Variants in FBN3 observed in about 807,000 individuals in gnomAD.
FBN3 encodes fibrillin-3.
In FBN3, 234 loss-of-function variants were observed where a neutral mutation model predicts 330.1. The observed-to-expected ratio is 0.71, with a 90% confidence interval of 0.64 to 0.79. FBN3 has a LOEUF of 0.79. Among genes scored for constraint, FBN3 ranks in the 30% least tolerant of loss-of-function variants. The probability of loss-of-function intolerance (pLI) is 0.00; values close to 1 mark genes in which losing one functional copy is unlikely to be tolerated. For missense variants in FBN3, 3,606 were observed against 3,886.9 expected (o/e 0.93, Z 1.92); for synonymous variants, 1,458 against 1,517.3 (o/e 0.96, Z 0.91).
At chr19:8,137,303 A>G (rs1437331772) in intron 10 of FBN3, among the ~76,000 whole-genome samples, 1 of 142,632 alleles carries the variant, frequency 7.0e-6, no homozygotes, top group Non-Finnish European at 1.5e-5. Context: ...CCTGGGCCCT[A>G]GATCCCTCCA....
intron 11 of FBN3, 31 bp downstream of exon 11, chr19:8,136,357 C>A: frequency 1.2e-6 from 2 of 1,605,526 alleles, no homozygotes; most frequent in Non-Finnish European, 8.5e-7. Context: ...GCAGTGAGAA[C>A]CGCCCCCCCT....
chr19:8,120,359 G>A (rs1374958010), intron 25 of FBN3, among the ~76,000 whole-genome samples: 3 of 151,214 alleles, frequency 2.0e-5, no homozygotes, highest in Non-Finnish European at 2.9e-5. Context: ...TAATAGAGAC[G>A]GGGTTTCACC....
rs111404589 is a variant in FBN3 at position 8,099,838 on chromosome 19, C to T, written c.5161+1063G>A. ...CCAGCCTGACCAACATGGTGAAACC[C>T]TGCCTCTATTAAAATACAAAAATTA... is the stretch of plus-strand genomic sequence containing the variant. On this transcript the variant is annotated intron_variant, in intron 41 of 63. Coordinates refer to ENST00000600128, the MANE Select transcript of FBN3 (RefSeq NM_032447.5). Among the ~76,000 whole-genome samples, 422 of 151,814 alleles carry T rather than the reference C, an allele frequency of 2.8e-3. 1 individual carries two copies. The highest frequency in any genetic ancestry group is 9.3e-3 in the African/African-American group (386 of 41,450).
chr19:8,075,000 C>T (rs2081605722), intron 61 of FBN3, 71 bp downstream of exon 61: 10 of 1,527,968 alleles, frequency 6.5e-6, no homozygotes, highest in Middle Eastern at 2.4e-4. Context: ...TGCAGGGTGG[C>T]GTCTGTTAGT....
chr19:8,139,077 A>G (rs2083354351), intron 8 of FBN3, among the ~76,000 whole-genome samples: 1 of 151,764 alleles, frequency 6.6e-6, no homozygotes, highest in Non-Finnish European at 1.5e-5. Flanking sequence ...GGCCGGGCGC[A>G]GTGGCTCACG....
chr19:8,072,150 C>T lies in FBN3; in HGVS notation c.7986G>A (p.Pro2662=), dbSNP rs144060152. ...LGFSPGPQDT[P]DKEELLSSEA... ...CAGACGAGAGCAGCTCCTCTTTGTC[C>T]GGGGTGTCCTGGGGTCCGGGGCTGA... Residue 2662 remains proline, a synonymous_variant, in exon 63 of 64, where the codon CCG becomes CCA. Transcript: ENST00000600128. 847 of 1,601,440 alleles carry T rather than the reference C, an allele frequency of 5.3e-4. 2 individuals carry two copies. The highest frequency in any genetic ancestry group is 6.4e-4 in the Non-Finnish European group (757 of 1,174,354).
At position 8,065,616 on chromosome 19, in the gene FBN3, A is replaced by C; in HGVS notation, c.*303T>G. On this transcript the variant is annotated 3_prime_UTR_variant, in exon 64 of 64. Coordinates refer to ENST00000600128, the MANE Select transcript of FBN3 (RefSeq NM_032447.5). ...AAGCCACAGTGCAGTACAGAAGTGA[A>C]AGCCTGAGATTGGCCAGACACGGTG... The C allele has an allele frequency of 2.4e-6, 1 of 409,110 alleles. No homozygotes were observed. The highest frequency in any genetic ancestry group is 4.0e-5 in the East Asian group (1 of 24,792). The allele number at this position is 409,110 out of a possible 1,614,324, so 25.3% of individuals were successfully genotyped here.
chr19:8,145,992 C>T, intron 4 of FBN3, 54 bp from the exon 5 acceptor site: 1 of 1,513,250 alleles, frequency 6.6e-7, no homozygotes, highest in South Asian at 1.2e-5. Context: ...CCCGAGATGC[C>T]CTCCTAGGAA....
rs747170028 is a variant in FBN3 at position 8,072,160 on chromosome 19, T to C, written c.7976A>G (p.Gln2659Arg). Residue 2659 changes from glutamine (Q) to arginine (R), a missense_variant, in exon 63 of 64, where the codon CAG becomes CGG. By Grantham distance (43) the Gln-to-Arg change is conservative. Coordinates refer to ENST00000600128, the MANE Select transcript of FBN3 (RefSeq NM_032447.5). Reference sequence around the variant, plus strand: ...CAGCTCCTCTTTGTCCGGGGTGTCCTGGGGTCCGGGGCTGAAGCCCAGGCC... The same window carrying C: ...CAGCTCCTCTTTGTCCGGGGTGTCCCGGGGTCCGGGGCTGAAGCCCAGGCC... Reference protein sequence around the residue: ...VSGLGFSPGPQDTPDKEELLS... With the variant: ...VSGLGFSPGPRDTPDKEELLS... The C allele has an allele frequency of 2.0e-5, 32 of 1,594,194 alleles. No individual in the cohort carries two copies. Among genetic ancestry groups the C allele is most frequent in the Non-Finnish European group, 2.6e-5 (30 of 1,170,804 alleles).
At chr19:8,111,906 T>G in intron 31 of FBN3, 71 bp downstream of exon 31, 2 of 460,314 alleles carry the variant, frequency 4.3e-6, no homozygotes, top group Non-Finnish European at 5.6e-6. Flanking sequence ...TCCCACTGCC[T>G]TGCCCCCCAC....
intron 54 of FBN3, 106 bp downstream of exon 54, chr19:8,086,971 G>T: frequency 7.2e-7 from 1 of 1,384,634 alleles, no homozygotes; most frequent in Non-Finnish European, 9.7e-7. Flanking sequence ...CTCCCAAAGT[G>T]CTGGGATGAC....
At chr19:8,122,097 C>CT in intron 24 of FBN3, among the ~76,000 whole-genome samples, 1 of 152,152 alleles carries the variant, frequency 6.6e-6, no homozygotes, top group Non-Finnish European at 1.5e-5. Flanking sequence ...TCACAGCTCA[C>CT]TGCAGCCTCA....
At chr19:8,101,475 C>A (rs897535517) in intron 40 of FBN3, among the ~76,000 whole-genome samples, 1 of 152,206 alleles carries the variant, frequency 6.6e-6, no homozygotes, top group African/African-American at 2.4e-5. Context: ...TTCAGTCCTG[C>A]CTCCAGGCCT....
In FBN3 at chr19:8,117,159, GC is replaced by G. The variant is rs1338802180; in HGVS notation, c.3586+9del. 6.2e-7 allele frequency: 1 copy of G among 1,613,782 alleles called. No homozygotes were observed. Among genetic ancestry groups the G allele is most frequent in the African/African-American group, 1.3e-5 (1 of 74,906 alleles). On this transcript the variant is annotated intron_variant, in intron 28 of 63. Coordinates refer to ENST00000600128, the MANE Select transcript of FBN3 (RefSeq NM_032447.5). ...ACACCAGGCAGTGGGAAGAAGTTGTGCCCACCTACCTGCACATGCCCTTCCG... is the reference window on the plus strand; with the variant it reads ...ACACCAGGCAGTGGGAAGAAGTTGTGCCACCTACCTGCACATGCCCTTCCG...
chr19:8,129,902 AT>A lies in FBN3; in HGVS notation c.2045-538del, dbSNP rs886501395. On this transcript the variant is annotated intron_variant, in intron 16 of 63. Transcript: ENST00000600128. This position sits in a 1 kb window ranked among gnomAD's most constrained non-coding sequence, Gnocchi z 4.5. ...GCGAGACCCATGTCTATAAAAAGCA[AT>A]TTTTTTTTTTTTGAGATAGGGTCTC... Among the ~76,000 whole-genome samples the A allele has an allele frequency of 2.3e-3, 338 of 144,636 alleles. 1 individual carries two copies. Among genetic ancestry groups the A allele is most frequent in the African/African-American group, 4.5e-3 (179 of 39,762 alleles). The allele number at this position is 144,636 out of a possible 152,430, so 94.9% of individuals were successfully genotyped here.
intron 41 of FBN3, among the ~76,000 whole-genome samples, chr19:8,099,025 G>A (rs974744954): frequency 2.0e-5 from 3 of 152,102 alleles, no homozygotes; most frequent in African/African-American, 7.2e-5. Context: ...TAACCTGGCC[G>A]GTTCTTCAAG....
intron 50 of FBN3, 93 bp from the exon 51 acceptor site, chr19:8,089,763 A>G: frequency 6.4e-7 from 1 of 1,572,324 alleles, no homozygotes; most frequent in Non-Finnish European, 8.6e-7. Context: ...ACAAAAGCCC[A>G]AGCCCCAGGC....
intron 13 of FBN3, among the ~76,000 whole-genome samples, chr19:8,133,710 C>T (rs1247251167): frequency 1.3e-5 from 2 of 151,958 alleles, no homozygotes; most frequent in African/African-American, 4.8e-5. Context: ...CCTCGTCCTC[C>T]CAAAGTGCTG....
chr19:8,066,180 G>T lies in FBN3; in HGVS notation c.8169C>A (p.Ile2723=). 6.2e-7 allele frequency: 1 copy of T among 1,612,400 alleles called. No individual in the cohort carries two copies. Among genetic ancestry groups the T allele is most frequent in the Non-Finnish European group, 8.5e-7 (1 of 1,179,350 alleles). ...NLSHLGRAER[I]LELRPALEGL... ...CCTCCAGGGCCGGCCGGAGCTCCAG[G>T]ATGCGCTCGGCCCGGCCCAGGTGTG... is the stretch of plus-strand genomic sequence containing the variant. The change falls in exon 64 of 64, where the codon ATC becomes ATA. Residue 2723 remains isoleucine (I), a synonymous_variant. Transcript: ENST00000600128.
Sources: gnomAD v4.1 joint callset for allele counts (sites outside exome capture counted in the v4.1 genomes callset) on GRCh38, gnomAD v4.1.1 for gene constraint, Gnocchi (gnomAD v3.1) non-coding constraint, MANE v1.5 for transcripts, NCBI Gene and HGNC (gene_info 2026-07-23, HGNC 2026-07-21) for gene names.